The following PSME3IP1 variants were observed in gnomAD, a reference collection of about 807,000 sequenced individuals.
The protein encoded by PSME3IP1 is proteasome activator subunit 3 interacting protein 1, also known as PSME3-interacting protein.
PSME3IP1 carries 13 observed loss-of-function variants against 34.1 expected under a neutral mutation model. The ratio of observed to expected loss-of-function variants is 0.38; its 90% CI spans 0.25 to 0.61. The LOEUF is 0.61. Among genes scored for constraint, PSME3IP1 ranks in the 20% least tolerant of loss-of-function variants. The probability of loss-of-function intolerance (pLI) is 0.60; values close to 1 mark genes in which losing one functional copy is unlikely to be tolerated. For missense variants in PSME3IP1, 237 were observed against 301.4 expected, an observed-to-expected ratio of 0.79 and a Z score of 1.58; for synonymous variants, 93 against 114.3, an observed-to-expected ratio of 0.81 and a Z score of 1.19.
intron 1 of PSME3IP1, 118 bp from the exon 2 acceptor site, chr16:57,173,987 T>G (rs1470249625): frequency 9.0e-7 from 1 of 1,109,280 alleles, no homozygotes; most frequent in Non-Finnish European, 1.3e-6. Context: ...AAAAATTATC[T>G]TCCAACTTTG....
chr16:57,161,852 T>C (rs78674487), intron 6 of PSME3IP1, among the ~76,000 whole-genome samples: 5,099 of 152,204 alleles, frequency 0.034, 286 homozygotes, highest in East Asian at 0.23. Flanking sequence ...TTTGAGACAA[T>C]TGGAGAAAAT....
At position 57,163,246 on chromosome 16, in the gene PSME3IP1, CT is replaced by C. The variant is rs575729435; in HGVS notation, c.547+754del. Among the ~76,000 whole-genome samples the C allele has an allele frequency of 5.9e-5, 9 of 151,354 alleles. No individual in the cohort carries two copies. The Middle Eastern group carries it at 0.01, about 173-fold the overall frequency. On this transcript the variant is annotated intron_variant, in intron 6 of 6. Coordinates refer to ENST00000309137, the MANE Select transcript of PSME3IP1 (RefSeq NM_024946.4). ...AGAGATACGGGTAAAAGGCAGGCTC[CT>C]TTTTTTTTCCCCCAGACTCTTCTTT...
intron 1 of PSME3IP1, chr16:57,174,568 T>C: frequency 1.0e-6 from 1 of 985,462 alleles, no homozygotes; most frequent in Non-Finnish European, 1.2e-6. Context: ...ACATCTGACA[T>C]TGTTTCTTCT....
chr16:57,175,669 G>A (rs2073106227), intron 1 of PSME3IP1: 1 of 152,186 alleles, frequency 6.6e-6, no homozygotes, highest in Admixed American at 6.5e-5. Flanking sequence ...GATACAGGTG[G>A]TGAATGGTAG....
intron 6 of PSME3IP1, 109 bp downstream of exon 6, chr16:57,163,892 C>G (rs116736927): frequency 8.8e-7 from 1 of 1,137,176 alleles, no homozygotes; most frequent in Admixed American, 1.8e-5. Flanking sequence ...CATAGGTAGG[C>G]TTGCTTGAAG....
At chr16:57,179,185 T>G (rs886743177) in intron 1 of PSME3IP1, among the ~76,000 whole-genome samples, 4 of 152,220 alleles carry the variant, frequency 2.6e-5, no homozygotes, top group Non-Finnish European at 4.4e-5. Flanking sequence ...TTTTCCAAAG[T>G]GACTCAAGTT....
intron 6 of PSME3IP1, among the ~76,000 whole-genome samples, chr16:57,155,821 A>G (rs1284191212): frequency 6.6e-6 from 1 of 151,960 alleles, no homozygotes; most frequent in African/African-American, 2.4e-5. Context: ...AAAACAAAAA[A>G]ACTAGTCGGG....
intron 1 of PSME3IP1, chr16:57,185,438 T>C: frequency 1.1e-6 from 1 of 880,354 alleles, no homozygotes; most frequent in Non-Finnish European, 1.4e-6. Context: ...CATTCTGGGA[T>C]TCAACCATTT....
At chr16:57,182,865 G>A (rs1326037604) in intron 1 of PSME3IP1, among the ~76,000 whole-genome samples, 13 of 152,102 alleles carry the variant, frequency 8.5e-5, no homozygotes, top group African/African-American at 2.9e-4. Flanking sequence ...AGCCGAGATC[G>A]CGCCACTGCA....
At chr16:57,166,670 T>C (rs2071909095) in intron 5 of PSME3IP1, among the ~76,000 whole-genome samples, 1 of 152,192 alleles carries the variant, frequency 6.6e-6, no homozygotes, top group Non-Finnish European at 1.5e-5. Context: ...ACCTCATTTT[T>C]CTAGACAGAA....
intron 5 of PSME3IP1, 107 bp from the exon 6 acceptor site, chr16:57,164,172 G>A: frequency 1.1e-6 from 1 of 876,092 alleles, no homozygotes; most frequent in Non-Finnish European, 1.8e-6. Context: ...GCAGTCTCAA[G>A]AGGCTGGGAT....
At chr16:57,155,526 G>A (rs1358330922) in intron 6 of PSME3IP1, among the ~76,000 whole-genome samples, 2 of 152,122 alleles carry the variant, frequency 1.3e-5, no homozygotes, top group East Asian at 1.9e-4. Flanking sequence ...CCCACACTTT[G>A]GGAGGCCAAG....
At chr16:57,182,558 A>AAAAAC (rs1463876517) in intron 1 of PSME3IP1, among the ~76,000 whole-genome samples, 1 of 150,044 alleles carries the variant, frequency 6.7e-6, no homozygotes. Context: ...CCTTAAAAAA[A>AAAAAC]AAAAAAAAAA....
At chr16:57,178,738 A>G (rs767505) in intron 1 of PSME3IP1, 854,652 of 984,326 alleles carry the variant, frequency 0.87, 371,663 homozygotes, top group Non-Finnish European at 0.88. Context: ...TCATCTTTCA[A>G]AAATAACTGC....
intron 1 of PSME3IP1, 167 bp from the exon 2 acceptor site, chr16:57,174,036 C>T (rs1049050842): frequency 7.8e-6 from 5 of 643,008 alleles, no homozygotes; most frequent in African/African-American, 7.4e-5. Context: ...TGGCTCATGC[C>T]TGTAATCCTG....
At chr16:57,171,008 G>A (rs1335440790) in intron 4 of PSME3IP1, among the ~76,000 whole-genome samples, 2 of 152,136 alleles carry the variant, frequency 1.3e-5, no homozygotes, top group Non-Finnish European at 2.9e-5. Context: ...GGGAGGCGGA[G>A]GTTGCAGTGA....
At chr16:57,186,090 TC>T, upstream of PSME3IP1, 1 of 985,258 alleles carries the variant, frequency 1.0e-6, no homozygotes. Context: ...GAGCTCTTCC[TC>T]CCCGGGAGCC....
intron 1 of PSME3IP1, among the ~76,000 whole-genome samples, chr16:57,175,046 G>A (rs1459086152): frequency 4.2e-5 from 6 of 144,098 alleles, no homozygotes; most frequent in Non-Finnish European, 6.0e-5. Flanking sequence ...ATGAAGTCTC[G>A]TTCTGTCACC....
intron 5 of PSME3IP1, among the ~76,000 whole-genome samples, chr16:57,165,330 A>T (rs1356397671): frequency 6.6e-6 from 1 of 152,176 alleles, no homozygotes; most frequent in African/African-American, 2.4e-5. Context: ...AAATACTTAG[A>T]AGGAAATATA....
Sources: allele counts gnomAD v4.1 joint callset (sites outside exome capture counted in the v4.1 genomes callset), GRCh38; gene constraint gnomAD v4.1.1; transcripts MANE v1.5; gene names NCBI Gene and HGNC (gene_info 2026-07-23, HGNC 2026-07-21).